Variants in CNTLN observed in about 807,000 individuals in gnomAD.
The protein encoded by CNTLN is centlein, centrosomal protein.
Under a neutral mutation model 180.0 loss-of-function variants are expected in CNTLN, and 212 were observed. The ratio of observed to expected loss-of-function variants is 1.18; its 90% CI spans 1.05 to 1.32. The LOEUF (loss-of-function observed/expected upper bound fraction) is 1.32, where lower values mean the gene tolerates loss of function less well. CNTLN is among the 40% of genes most tolerant of loss of function. CNTLN has a pLI of 0.00. For synonymous variants in CNTLN, 722 were observed against 563.1 expected (o/e 1.28, Z -3.99); for missense variants, 2,095 against 1,610.9 (o/e 1.30, Z -5.14).
chr9:17,418,459 A>G (rs1291534343), intron 18 of CNTLN, among the ~76,000 whole-genome samples: 1 of 152,004 alleles, frequency 6.6e-6, no homozygotes, highest in African/African-American at 2.4e-5. Context: ...GGGATGGAAG[A>G]TGTCAAGATC....
Position 17,403,390 on chromosome 9 carries a change from C to T in CNTLN, c.2616-5903C>T, listed in dbSNP as rs150223719. On this transcript the variant is annotated intron_variant, in intron 15 of 25. Coordinates refer to ENST00000380647, the MANE Select transcript of CNTLN (RefSeq NM_017738.4). ...CTTTCTTTCACCAAAACTTGTCTGG[C>T]GACTGGGCTACTGGCACTGTTGAAT... Among the ~76,000 whole-genome samples, 34 of 151,688 alleles carry T rather than the reference C, an allele frequency of 2.2e-4. 2 individuals carry two copies. Among genetic ancestry groups the T allele is most frequent in the Middle Eastern group, 3.4e-3 (1 of 292 alleles).
chr9:17,135,552 C>G (rs1409274545), intron 1 of CNTLN, 127 bp downstream of exon 1: 1 of 1,249,172 alleles, frequency 8.0e-7, no homozygotes, highest in Non-Finnish European at 1.1e-6. Flanking sequence ...AGATGCACAC[C>G]CTGCTTCGCT....
chr9:17,340,772 A>G, intron 10 of CNTLN, 55 bp from the exon 11 acceptor site: 2 of 1,445,208 alleles, frequency 1.4e-6, no homozygotes, highest in Non-Finnish European at 1.8e-6. Flanking sequence ...TATTTGAAAC[A>G]TTATATTAAT....
intron 1 of CNTLN, among the ~76,000 whole-genome samples, chr9:17,136,416 G>C (rs775831109): frequency 1.3e-5 from 2 of 152,160 alleles, no homozygotes; most frequent in South Asian, 2.1e-4. Context: ...TGCAAGCTCC[G>C]CCTCCCGGGT....
intron 2 of CNTLN, among the ~76,000 whole-genome samples, chr9:17,145,543 C>G (rs1818397400): frequency 6.6e-6 from 1 of 152,274 alleles, no homozygotes; most frequent in African/African-American, 2.4e-5. Flanking sequence ...CGTGGACTTC[C>G]TGGACAGCAT....
chr9:17,449,447 T>C (rs1830660555), intron 18 of CNTLN, among the ~76,000 whole-genome samples: 1 of 151,994 alleles, frequency 6.6e-6, no homozygotes, highest in Admixed American at 6.5e-5. Flanking sequence ...TATACATATG[T>C]AACTAACCTG....
chr9:17,220,203 G>A (rs1164467911), intron 2 of CNTLN, among the ~76,000 whole-genome samples: 4 of 152,048 alleles, frequency 2.6e-5, no homozygotes, highest in Non-Finnish European at 5.9e-5. Flanking sequence ...CTGTGAGTAT[G>A]TGTACATACT....
chr9:17,330,685 G>T lies in CNTLN; in HGVS notation c.1395G>T (p.Lys465Asn). Residue 465 changes from lysine (K) to asparagine (N), a missense_variant, in exon 9 of 26, where the codon AAG becomes AAT. Coordinates refer to ENST00000380647, the MANE Select transcript of CNTLN (RefSeq NM_017738.4). The stretch of plus-strand genomic sequence containing the variant: ...TAGAAACGTTAATGGTTTCACAGAA[G>T]TCTGAAATTGAGTATTTACAGGAGA... ...SSLETLMVSQ[K>N]SEIEYLQEKL... 1 of 1,611,454 alleles carries T rather than the reference G, an allele frequency of 6.2e-7. No homozygotes were observed. Among genetic ancestry groups the T allele is most frequent in the Non-Finnish European group, 8.5e-7 (1 of 1,178,364 alleles).
chr9:17,278,654 GTTGTT>G (rs1828470235), intron 6 of CNTLN, among the ~76,000 whole-genome samples: 1 of 152,040 alleles, frequency 6.6e-6, no homozygotes, highest in Non-Finnish European at 1.5e-5. Context: ...ATAAAAATAA[GTTGTT>G]TTGTTTTTAC....
Position 17,265,984 on chromosome 9 carries a change from A to C in CNTLN, c.850-7749A>C, listed in dbSNP as rs899853802. Among the ~76,000 whole-genome samples, 5 of 152,064 alleles carry C rather than the reference A, an allele frequency of 3.3e-5. 1 individual carries two copies. The highest frequency in any genetic ancestry group is 6.6e-5 in the Admixed American group (1 of 15,260). ...ATCAATTTTGTTGATCTTTTCAAAA[A>C]ACCAGCTCCTGGATTCATTAATTTT... On this transcript the variant is annotated intron_variant, in intron 5 of 25. Coordinates refer to ENST00000380647, the MANE Select transcript of CNTLN (RefSeq NM_017738.4).
intron 6 of CNTLN, among the ~76,000 whole-genome samples, chr9:17,288,873 G>T (rs77522619): frequency 9.6e-6 from 1 of 103,936 alleles, no homozygotes. Flanking sequence ...AGATCTTCCT[G>T]CATCCTTTTA....
chr9:17,250,549 C>T (rs921201659), intron 5 of CNTLN, among the ~76,000 whole-genome samples: 8 of 151,884 alleles, frequency 5.3e-5, no homozygotes, highest in African/African-American at 1.9e-4. Flanking sequence ...TTGCACATAT[C>T]TTTCTAAATT....
At chr9:17,151,859 G>T (rs1187431176) in intron 2 of CNTLN, among the ~76,000 whole-genome samples, 2 of 152,212 alleles carry the variant, frequency 1.3e-5, no homozygotes, top group African/African-American at 4.8e-5. Context: ...GTCTATTCCA[G>T]GATTCGATTT....
chr9:17,469,042 G>A (rs1831911734), intron 23 of CNTLN, among the ~76,000 whole-genome samples: 1 of 151,586 alleles, frequency 6.6e-6, no homozygotes, highest in South Asian at 2.1e-4. Flanking sequence ...TTTGTTTCAG[G>A]TTTAAATTAC....
downstream of CNTLN, chr9:17,503,929 G>A (rs1012537967): frequency 7.3e-6 from 1 of 136,992 alleles, no homozygotes; most frequent in African/African-American, 3.7e-5. Context: ...ACACAGTGGT[G>A]CTCATTCATT....
intron 7 of CNTLN, among the ~76,000 whole-genome samples, chr9:17,306,146 A>ATTTTTTTTTTTTTTTTTTTGTTTT (rs1818691661): frequency 7.8e-6 from 1 of 128,008 alleles, no homozygotes. Flanking sequence ...TTAGTCGTCT[A>ATTTTTTTTTTTTTTTTTTTGTTTT]TTTTTTTTTT....
At chr9:17,304,147 A>C (rs1587589522) in intron 7 of CNTLN, among the ~76,000 whole-genome samples, 1 of 152,300 alleles carries the variant, frequency 6.6e-6, no homozygotes, top group East Asian at 1.9e-4. Context: ...AAGGTGAAGA[A>C]AGAAAACTGA....
intron 9 of CNTLN, among the ~76,000 whole-genome samples, chr9:17,332,157 A>G (rs960158897): frequency 6.6e-6 from 1 of 152,032 alleles, no homozygotes; most frequent in African/African-American, 2.4e-5. Flanking sequence ...TTGTATTTAT[A>G]TTCCTCAAGC....
intron 13 of CNTLN, among the ~76,000 whole-genome samples, chr9:17,387,050 C>T (rs529958826): frequency 4.8e-4 from 73 of 152,254 alleles, no homozygotes; most frequent in African/African-American, 1.5e-3. Context: ...TATTATCCTT[C>T]GGATACTGTT....
Sources: gnomAD v4.1 joint callset for allele counts (sites outside exome capture counted in the v4.1 genomes callset) on GRCh38, gnomAD v4.1.1 for gene constraint, MANE v1.5 for transcripts, NCBI Gene and HGNC (gene_info 2026-07-23, HGNC 2026-07-21) for gene names.